The following PATL1 variants were observed in gnomAD, a reference collection of about 807,000 sequenced individuals.
The protein encoded by PATL1 is protein PAT1 homolog 1.
In PATL1, 32 loss-of-function variants were observed where a neutral mutation model predicts 100.6. That is an observed-to-expected ratio of 0.32 (90% CI 0.24 to 0.43). The LOEUF (loss-of-function observed/expected upper bound fraction) is 0.43. PATL1 is among the 20% of genes least tolerant of loss of function. The pLI, the probability that PATL1 is intolerant of heterozygous loss-of-function variation, is 1.00. For missense variants in PATL1, 747 were observed against 949.9 expected, an observed-to-expected ratio of 0.79 and a Z score of 2.81; for synonymous variants, 332 against 330.0, an observed-to-expected ratio of 1.01 and a Z score of -0.07.
intron 4 of PATL1, 144 bp downstream of exon 4, chr11:59,658,722 G>T (rs1014439349): frequency 4.8e-6 from 3 of 620,826 alleles, no homozygotes; most frequent in African/African-American, 3.7e-5. Flanking sequence ...CTAAAGAAAG[G>T]CATAGCTAAG....
chr11:59,652,385 T>C (rs1861459957), intron 11 of PATL1, 79 bp downstream of exon 11: 11 of 1,511,968 alleles, frequency 7.3e-6, no homozygotes, highest in Admixed American at 2.3e-5. Context: ...CTTCCACATA[T>C]ACACTTGTCT....
intron 2 of PATL1, among the ~76,000 whole-genome samples, chr11:59,659,738 C>A (rs1260839655): frequency 1.3e-5 from 2 of 151,998 alleles, no homozygotes; most frequent in Admixed American, 1.3e-4. Flanking sequence ...TGGGGTTTCA[C>A]CATGCTGGCC....
intron 16 of PATL1, 59 bp downstream of exon 16, chr11:59,642,821 A>C (rs1210563493): frequency 6.6e-7 from 1 of 1,511,028 alleles, no homozygotes; most frequent in Non-Finnish European, 9.0e-7. Context: ...CATTATTTTA[A>C]TCTATAACGC....
chr11:59,639,980 AGAAAGGGTAAACAGATGT>A (rs1272052588), intron 16 of PATL1: 5 of 152,490 alleles, frequency 3.3e-5, no homozygotes, highest in African/African-American at 1.2e-4. Context: ...ATAAAAAGAG[AGAAAGGGTAAACAGATGT>A]ATACACCGTA....
At chr11:59,640,757 G>A (rs1271337842) in intron 16 of PATL1, among the ~76,000 whole-genome samples, 1 of 152,056 alleles carries the variant, frequency 6.6e-6, no homozygotes, top group Non-Finnish European at 1.5e-5. Flanking sequence ...CTGGGGATGG[G>A]CATGGTGGCT....
intron 16 of PATL1, among the ~76,000 whole-genome samples, chr11:59,641,425 T>G (rs1175135639): frequency 6.6e-6 from 1 of 152,108 alleles, no homozygotes; most frequent in Admixed American, 6.6e-5. Flanking sequence ...GGGATTCCAT[T>G]CCAACTTTCT....
Position 59,639,067 on chromosome 11 carries a change from A to G in PATL1, c.2272T>C (p.Leu758=), listed in dbSNP as rs1861234892. ...SRYVDRQKLN[L]LETKLQLVQG... is the part of the protein sequence containing the mutation. ...ACTTACTGCAGTTTTGTCTCCAGCA[A>G]GTTCAGTTTCTGCCGGTCAACATAG... is the stretch of plus-strand genomic sequence containing the variant. The change falls in exon 18 of 19, where the codon TTG becomes CTG. Residue 758 remains leucine, a synonymous_variant. Transcript: ENST00000300146. 1 of 1,613,618 alleles carries G rather than the reference A, an allele frequency of 6.2e-7. No individual in the cohort carries two copies. Among genetic ancestry groups the G allele is most frequent in the Non-Finnish European group, 8.5e-7 (1 of 1,179,764 alleles).
chr11:59,656,741 C>G, intron 5 of PATL1, 141 bp from the exon 6 acceptor site: 1 of 705,920 alleles, frequency 1.4e-6, no homozygotes, highest in Non-Finnish European at 2.3e-6. Flanking sequence ...GCTACAGGTT[C>G]AAATACAGAA....
At chr11:59,647,639 G>C (rs1861382649) in intron 15 of PATL1, 115 bp downstream of exon 15, 3 of 1,116,350 alleles carry the variant, frequency 2.7e-6, no homozygotes, top group Non-Finnish European at 2.6e-6. Context: ...AAATCACACA[G>C]CCAAAGATTA....
intron 2 of PATL1, among the ~76,000 whole-genome samples, chr11:59,664,749 T>C (rs540496815): frequency 1.2e-3 from 189 of 152,232 alleles, no homozygotes; most frequent in Non-Finnish European, 2.0e-3. Context: ...AAAAAAAATT[T>C]TGTGGAGAAA....
intron 1 of PATL1, among the ~76,000 whole-genome samples, chr11:59,668,488 C>T (rs962968173): frequency 1.4e-5 from 2 of 143,272 alleles, no homozygotes; most frequent in African/African-American, 5.1e-5. Flanking sequence ...GGGGTGGTTC[C>T]GGGTCCAGGG....
chr11:59,647,983 G>T, intron 14 of PATL1, 70 bp from the exon 15 acceptor site: 1 of 1,394,024 alleles, frequency 7.2e-7, no homozygotes, highest in Non-Finnish European at 9.8e-7. Flanking sequence ...TTTCCTCTTA[G>T]ATGTTACTGA....
chr11:59,652,468 C>T lies in PATL1; in HGVS notation c.1422G>A (p.Lys474=). ...PQVAKLEHAY[K]PVQFEGSLGK... ...TTTTTCTTATGAGGACCTTACCTGGCTTATAGGCGTGCTCCAGTTTGGCCA... is the reference window on the plus strand; with the variant it reads ...TTTTTCTTATGAGGACCTTACCTGGTTTATAGGCGTGCTCCAGTTTGGCCA... The change falls in exon 11 of 19, where the codon AAG becomes AAA. Residue 474 remains lysine (K), a synonymous_variant. Coordinates refer to ENST00000300146, the MANE Select transcript of PATL1 (RefSeq NM_152716.3). The T allele has an allele frequency of 1.2e-6, 2 of 1,612,362 alleles. No individual in the cohort carries two copies.
Position 59,637,945 on chromosome 11 carries a change from AT to A in PATL1, c.*444del, listed in dbSNP as rs1170880066. Reference sequence around the variant, plus strand: ...TGTGTGTGTATCTATGTGTGTGTGTATATCTTGATTTCTACTTAATTGGCTC... The same window carrying A: ...TGTGTGTGTATCTATGTGTGTGTGTAATCTTGATTTCTACTTAATTGGCTC... On this transcript the variant is annotated 3_prime_UTR_variant, in exon 19 of 19. Transcript: ENST00000300146. The A allele has an allele frequency of 5.3e-6, 1 of 189,378 alleles. No homozygotes were observed. The highest frequency in any genetic ancestry group is 1.1e-5 in the Non-Finnish European group (1 of 89,702). 11.7% of individuals were successfully genotyped at this position (189,378 alleles called of 1,614,324 possible).
At chr11:59,651,445 A>T in intron 12 of PATL1, 99 bp downstream of exon 12, 2 of 937,566 alleles carry the variant, frequency 2.1e-6, no homozygotes, top group Non-Finnish European at 3.3e-6. Context: ...GGGTTAGACT[A>T]CAAACAACTC....
chr11:59,659,062 T>G (rs1055989093), intron 3 of PATL1, 116 bp from the exon 4 acceptor site: 3 of 1,058,096 alleles, frequency 2.8e-6, no homozygotes, highest in Non-Finnish European at 4.1e-6. Flanking sequence ...AATACGAAAT[T>G]ATAGGGCTCC....
In PATL1 at chr11:59,659,479, G is replaced by A. The variant is rs950180089; in HGVS notation, c.128-10C>T. The A allele has an allele frequency of 6.7e-5, 104 of 1,546,956 alleles. No individual in the cohort carries two copies. The highest frequency in any genetic ancestry group is 7.9e-5 in the Non-Finnish European group (91 of 1,146,258). On this transcript the variant is annotated splice_polypyrimidine_tract_variant and intron_variant, in intron 2 of 18. Transcript: ENST00000300146. ...TCCTGCCAATCATCATCTATAAGAT[G>A]ACACAGTTCATGTAAGAAATAGTTC...
intron 11 of PATL1, among the ~76,000 whole-genome samples, chr11:59,652,064 CAAAAAAAAAAAAA>C (rs748019832): frequency 2.5e-4 from 13 of 52,996 alleles, no homozygotes; most frequent in African/African-American, 3.6e-4. Context: ...GGCTCTTTCT[CAAAAAAAAAAAAA>C]AAAAAAAAAA....
At chr11:59,648,024 A>G (rs1384408013) in intron 14 of PATL1, 111 bp from the exon 15 acceptor site, 2 of 899,608 alleles carry the variant, frequency 2.2e-6, no homozygotes, top group African/African-American at 3.4e-5. Flanking sequence ...TTCATTCTCT[A>G]ATAACCTGTA....
Sources: allele counts gnomAD v4.1 joint callset (sites outside exome capture counted in the v4.1 genomes callset), GRCh38; gene constraint gnomAD v4.1.1; transcripts MANE v1.5; gene names NCBI Gene and HGNC (gene_info 2026-07-23, HGNC 2026-07-21).